SIGLECL1: variants seen among roughly 807,000 people sequenced by gnomAD.
SIGLECL1 encodes the protein SIGLEC family like 1.
A neutral mutation model predicts 19.1 loss-of-function variants in SIGLECL1; 16 were observed. That is an observed-to-expected ratio of 0.84 (90% CI 0.57 to 1.27). The LOEUF (loss-of-function observed/expected upper bound fraction) is 1.27, where lower values mean the gene tolerates loss of function less well. Ranked by LOEUF, SIGLECL1 falls within the 50% of genes most tolerant of loss-of-function variation. The pLI is 0.00. For synonymous variants in SIGLECL1, 89 were observed against 90.4 expected, an observed-to-expected ratio of 0.98 and a Z score of 0.09; for missense variants, 210 against 239.4, an observed-to-expected ratio of 0.88 and a Z score of 0.81.
chr19:51,262,610 A>G (rs1983314871), intron 1 of SIGLECL1, among the ~76,000 whole-genome samples: 1 of 151,998 alleles, frequency 6.6e-6, no homozygotes, highest in Non-Finnish European at 1.5e-5. Flanking sequence ...ACTGTTCTAG[A>G]AAAAAAGTCT....
intron 3 of SIGLECL1, 57 bp from the exon 4 acceptor site, chr19:51,265,720 G>A: frequency 6.2e-7 from 1 of 1,613,402 alleles, no homozygotes; most frequent in Non-Finnish European, 8.5e-7. Flanking sequence ...TGGGGCTAGA[G>A]AATGGAGCAG....
intron 1 of SIGLECL1, among the ~76,000 whole-genome samples, chr19:51,258,648 G>A (rs1982980410): frequency 6.6e-6 from 1 of 152,160 alleles, no homozygotes; most frequent in African/African-American, 2.4e-5. Flanking sequence ...TCAGGGCTGT[G>A]GCTAAAGGGA....
upstream of SIGLECL1, among the ~76,000 whole-genome samples, chr19:51,250,603 C>A (rs185195317): frequency 1.9e-3 from 291 of 152,190 alleles, 2 homozygotes; most frequent in Admixed American, 0.019. Flanking sequence ...TAAGAAAGTG[C>A]GTGACGGATA....
At chr19:51,257,288 C>T (rs1044755002) in intron 1 of SIGLECL1, among the ~76,000 whole-genome samples, 1 of 151,942 alleles carries the variant, frequency 6.6e-6, no homozygotes, top group Non-Finnish European at 1.5e-5. Flanking sequence ...TGCTTGTAGT[C>T]CCAGCTACTT....
Position 51,263,898 on chromosome 19 carries a change from C to T in SIGLECL1, c.-175C>T, listed in dbSNP as rs1028998649. Reference sequence around the variant, plus strand: ...GCTTCTCCAGGTGAACAGGCCTTCACGATGACCAGAGACAGAAGCCCCTGA... The same window carrying T: ...GCTTCTCCAGGTGAACAGGCCTTCATGATGACCAGAGACAGAAGCCCCTGA... On this transcript the variant is annotated 5_prime_UTR_variant, in exon 2 of 6. It adds an upstream start codon to the 5' untranslated region. Coordinates refer to ENST00000601727, the MANE Select transcript of SIGLECL1 (RefSeq NM_001385465.1). 2.9e-6 allele frequency: 2 copies of T among 679,002 alleles called. No individual in the cohort carries two copies. Among genetic ancestry groups the T allele is most frequent in the Non-Finnish European group, 4.9e-6 (2 of 411,360 alleles). The allele number at this position is 679,002 out of a possible 1,614,324, so 42.1% of individuals were successfully genotyped here.
intron 1 of SIGLECL1, among the ~76,000 whole-genome samples, chr19:51,251,927 T>C (rs1040740235): frequency 6.6e-6 from 1 of 152,088 alleles, no homozygotes; most frequent in Non-Finnish European, 1.5e-5. Flanking sequence ...ACAGAGAATA[T>C]CCTGAGCCCT....
At chr19:51,265,156 C>A (rs545536220) in intron 2 of SIGLECL1, among the ~76,000 whole-genome samples, 1 of 152,224 alleles carries the variant, frequency 6.6e-6, no homozygotes, top group East Asian at 1.9e-4. Context: ...AATTTACTTG[C>A]CACCCCTCAA....
At chr19:51,249,016 G>C (rs192341043), upstream of SIGLECL1, among the ~76,000 whole-genome samples, 1 of 152,056 alleles carries the variant, frequency 6.6e-6, no homozygotes, top group Non-Finnish European at 1.5e-5. Context: ...ATGGGGTAAT[G>C]TTTGGGAAAG....
rs78261363 is a variant in SIGLECL1, at chr19:51,267,373, A to C, written c.411A>C (p.Ile137=). The change falls in exon 5 of 6, where the codon ATA becomes ATC. Residue 137 remains isoleucine, a splice_region_variant and synonymous_variant. Coordinates refer to ENST00000601727, the MANE Select transcript of SIGLECL1 (RefSeq NM_001385465.1). Reference sequence around the variant, plus strand: ...ACCAATCCAAGGCTTATTTCCTTAGAGTGAAACATATCAGAAAGAAGCAGG... The same window carrying C: ...ACCAATCCAAGGCTTATTTCCTTAGCGTGAAACATATCAGAAAGAAGCAGG... ...ALLFLCLLPL[I]VKHIRKKQAK... is the part of the protein sequence containing the mutation. The C allele has an allele frequency of 2.2e-4, 348 of 1,611,334 alleles. 1 individual carries two copies. The African/African-American group carries it at 3.8e-3, about 18-fold the overall frequency.
At chr19:51,268,472 C>T in intron 5 of SIGLECL1, 99 bp from the exon 6 acceptor site, 1 of 1,303,242 alleles carries the variant, frequency 7.7e-7, no homozygotes, top group Non-Finnish European at 1.1e-6. Context: ...TGCCTTAATT[C>T]TGTGCACAAG....
At chr19:51,252,266 C>T (rs888365374) in intron 1 of SIGLECL1, among the ~76,000 whole-genome samples, 1 of 148,378 alleles carries the variant, frequency 6.7e-6, no homozygotes, top group African/African-American at 2.5e-5. Flanking sequence ...CACTGCACTC[C>T]AGCCTGGGCA....
intron 1 of SIGLECL1, among the ~76,000 whole-genome samples, chr19:51,262,112 G>T (rs1031418031): frequency 6.6e-6 from 1 of 152,078 alleles, no homozygotes; most frequent in African/African-American, 2.4e-5. Flanking sequence ...CTCCTTAATG[G>T]TATCTTTTGA....
upstream of SIGLECL1, among the ~76,000 whole-genome samples, chr19:51,247,382 A>G (rs764880638): frequency 5.3e-5 from 8 of 152,022 alleles, no homozygotes; most frequent in Non-Finnish European, 8.8e-5. Flanking sequence ...AACTTTCTCT[A>G]GTTCTTCAAG....
At position 51,264,166 on chromosome 19, in the gene SIGLECL1, G is replaced by A. The variant is rs996812356; in HGVS notation, c.22+72G>A. 5.1e-6 allele frequency: 8 copies of A among 1,579,350 alleles called. No individual in the cohort carries two copies. The African/African-American group carries it at 1.1e-4, about 21-fold the overall frequency. On this transcript the variant is annotated intron_variant, in intron 2 of 5. Coordinates refer to ENST00000601727, the MANE Select transcript of SIGLECL1 (RefSeq NM_001385465.1). ...ACTCCAGGGCCTGGGTGTTGGCAGG[G>A]CAGAGGATGGGCTATGGAGGCATGG...
chr19:51,246,622 A>C (rs1240704922), upstream of SIGLECL1, among the ~76,000 whole-genome samples: 1 of 152,136 alleles, frequency 6.6e-6, no homozygotes, highest in African/African-American at 2.4e-5. Context: ...GCCCTCATAC[A>C]AAGGCTGGAA....
chr19:51,260,974 G>A (rs950939766), intron 1 of SIGLECL1, among the ~76,000 whole-genome samples: 1 of 152,144 alleles, frequency 6.6e-6, no homozygotes, highest in Non-Finnish European at 1.5e-5. Flanking sequence ...TATTCCAATA[G>A]TCTGTTTGTT....
chr19:51,258,675 G>T (rs1457067501), intron 1 of SIGLECL1, among the ~76,000 whole-genome samples: 3 of 152,228 alleles, frequency 2.0e-5, no homozygotes, highest in African/African-American at 4.8e-5. Context: ...AGGCTGAAAT[G>T]ACAGATGGCA....
chr19:51,265,743 G>T (rs201504998), intron 3 of SIGLECL1, 34 bp from the exon 4 acceptor site: 5 of 1,613,682 alleles, frequency 3.1e-6, no homozygotes, highest in East Asian at 2.2e-5. Flanking sequence ...TTTTGGCTCC[G>T]ATGCCAAACT....
chr19:51,250,827 C>A (rs1342679272), upstream of SIGLECL1, among the ~76,000 whole-genome samples: 3 of 152,174 alleles, frequency 2.0e-5, no homozygotes, highest in African/African-American at 7.2e-5. Flanking sequence ...AGTTGCAGTT[C>A]CTGATTGACT....
Sources: allele counts gnomAD v4.1 joint callset (sites outside exome capture counted in the v4.1 genomes callset), GRCh38; gene constraint gnomAD v4.1.1; transcripts MANE v1.5; gene names NCBI Gene and HGNC (gene_info 2026-07-23, HGNC 2026-07-21).